Variants in CNTNAP2 observed in about 807,000 individuals in gnomAD.
CNTNAP2 encodes the protein contactin-associated protein-like 2.
Under a neutral mutation model 155.2 loss-of-function variants are expected in CNTNAP2, and 98 were observed. That is an observed-to-expected ratio of 0.63 (90% CI 0.54 to 0.75). The LOEUF (loss-of-function observed/expected upper bound fraction) is 0.75. Among genes scored for constraint, CNTNAP2 ranks in the 30% least tolerant of loss-of-function variants. The pLI, the probability that CNTNAP2 is intolerant of heterozygous loss-of-function variation, is 0.00. For missense variants in CNTNAP2, 1,727 were observed against 1,688.1 expected, an observed-to-expected ratio of 1.02 and a Z score of -0.40; for synonymous variants, 651 against 631.2, an observed-to-expected ratio of 1.03 and a Z score of -0.47.
chr7:146,169,933 C>A (rs533498292), intron 1 of CNTNAP2, among the ~76,000 whole-genome samples: 2 of 151,722 alleles, frequency 1.3e-5, no homozygotes, highest in South Asian at 4.2e-4. Context: ...TGTAGCAATG[C>A]AGGTATCACT....
At chr7:147,182,553 T>C (rs1479256929) in intron 8 of CNTNAP2, among the ~76,000 whole-genome samples, 1 of 152,100 alleles carries the variant, frequency 6.6e-6, no homozygotes, top group Non-Finnish European at 1.5e-5. Context: ...TATTTAAATT[T>C]CCATATTTAC....
At chr7:146,994,256 G>A (rs920907239) in intron 3 of CNTNAP2, among the ~76,000 whole-genome samples, 8 of 152,060 alleles carry the variant, frequency 5.3e-5, no homozygotes, top group Non-Finnish European at 1.0e-4. Context: ...CACAGAGCAA[G>A]TAATCTTACC....
chr7:147,536,901 G>A (rs988691116), intron 11 of CNTNAP2, among the ~76,000 whole-genome samples: 2 of 152,010 alleles, frequency 1.3e-5, no homozygotes, highest in Non-Finnish European at 2.9e-5. Flanking sequence ...CTCTCACCAC[G>A]CCACCTCTTC....
chr7:148,380,101 G>C (rs1799020630), intron 21 of CNTNAP2, among the ~76,000 whole-genome samples: 2 of 152,166 alleles, frequency 1.3e-5, no homozygotes, highest in Admixed American at 1.3e-4. Flanking sequence ...TGCCACTTGA[G>C]AATCTCATTT....
At chr7:146,875,927 TACAC>T (rs1372949301) in intron 3 of CNTNAP2, among the ~76,000 whole-genome samples, 7 of 61,696 alleles carry the variant, frequency 1.1e-4, no homozygotes, top group Middle Eastern at 0.019. Flanking sequence ...CACACACACA[TACAC>T]AGCAAAAAAA....
At chr7:147,887,071 T>A (rs1799614229) in intron 13 of CNTNAP2, among the ~76,000 whole-genome samples, 1 of 152,222 alleles carries the variant, frequency 6.6e-6, no homozygotes, top group Non-Finnish European at 1.5e-5. Context: ...TAATAAAATA[T>A]CACCTTGACC....
At chr7:146,757,381 G>T (rs922144813) in intron 1 of CNTNAP2, among the ~76,000 whole-genome samples, 14 of 152,104 alleles carry the variant, frequency 9.2e-5, no homozygotes, top group Non-Finnish European at 1.3e-4. Context: ...TCAGCATTTA[G>T]GGGTTTGTTT....
chr7:147,091,618 A>ATTT (rs111317397), intron 4 of CNTNAP2, among the ~76,000 whole-genome samples: 2 of 137,830 alleles, frequency 1.5e-5, no homozygotes, highest in Admixed American at 7.2e-5. Context: ...CACCCAGCTA[A>ATTT]TTTTTTTTTT....
At chr7:148,263,653 C>T (rs1302015755) in intron 20 of CNTNAP2, among the ~76,000 whole-genome samples, 3 of 150,808 alleles carry the variant, frequency 2.0e-5, no homozygotes, top group Admixed American at 6.6e-5. Context: ...AGGAGAATGG[C>T]GTGAACCCGG....
chr7:148,126,700 A>T lies in CNTNAP2; in HGVS notation c.2554+8412A>T, dbSNP rs183204375. The stretch of plus-strand genomic sequence containing the variant: ...AGGTGAAATGGACAGGGAATCCATG[A>T]CCCAAACTTTACTGTCCTGGGGTTC... On this transcript the variant is annotated intron_variant, in intron 16 of 23. Transcript: ENST00000361727. Among the ~76,000 whole-genome samples the T allele has an allele frequency of 9.2e-5, 14 of 152,266 alleles. No individual in the cohort carries two copies. In the East Asian group the frequency reaches 2.3e-3, roughly 25 times the overall value.
intron 15 of CNTNAP2, among the ~76,000 whole-genome samples, chr7:148,066,413 C>T (rs1159784994): frequency 1.3e-5 from 2 of 152,182 alleles, no homozygotes; most frequent in Non-Finnish European, 2.9e-5. Context: ...TCCTTGGGAA[C>T]ACCAGTTATT....
At chr7:148,059,713 T>G (rs1338255210) in intron 15 of CNTNAP2, among the ~76,000 whole-genome samples, 1 of 149,406 alleles carries the variant, frequency 6.7e-6, no homozygotes, top group Admixed American at 6.7e-5. Context: ...CAAAAGAAAT[T>G]TCTATATTTT....
intron 12 of CNTNAP2, among the ~76,000 whole-genome samples, chr7:147,624,548 C>T (rs184416095): frequency 6.6e-6 from 1 of 152,114 alleles, no homozygotes; most frequent in East Asian, 1.9e-4. Context: ...CAAATCAAAA[C>T]AACAATGAAA....
intron 12 of CNTNAP2, among the ~76,000 whole-genome samples, chr7:147,606,661 A>C (rs1406686903): frequency 2.0e-5 from 3 of 152,244 alleles, no homozygotes; most frequent in Non-Finnish European, 4.4e-5. Context: ...ACCTTAACAG[A>C]GTAGTGGCTA....
intron 3 of CNTNAP2, among the ~76,000 whole-genome samples, chr7:146,923,978 C>T (rs1323086069): frequency 6.6e-6 from 1 of 152,106 alleles, no homozygotes; most frequent in Non-Finnish European, 1.5e-5. Flanking sequence ...TGCACTCAAA[C>T]ATTTAAGAAC....
intron 1 of CNTNAP2, among the ~76,000 whole-genome samples, chr7:146,478,897 G>A (rs906700691): frequency 2.6e-5 from 4 of 151,914 alleles, no homozygotes; most frequent in African/African-American, 9.7e-5. Flanking sequence ...AATTAAAGAT[G>A]GTGTCTACTG....
At chr7:146,827,712 C>A (rs1803433410) in intron 2 of CNTNAP2, among the ~76,000 whole-genome samples, 1 of 152,010 alleles carries the variant, frequency 6.6e-6, no homozygotes, top group African/African-American at 2.4e-5. Context: ...AGAAAACTGA[C>A]ATAACTTTTC....
intron 1 of CNTNAP2, among the ~76,000 whole-genome samples, chr7:146,360,179 G>A (rs886809294): frequency 1.3e-5 from 2 of 152,076 alleles, no homozygotes; most frequent in African/African-American, 2.4e-5. Context: ...CCTTTCCAGT[G>A]TCTCTCTCCT....
intron 1 of CNTNAP2, among the ~76,000 whole-genome samples, chr7:146,117,668 T>C (rs1209451706): frequency 6.6e-6 from 1 of 152,142 alleles, no homozygotes; most frequent in African/African-American, 2.4e-5. Flanking sequence ...ATATTCAATA[T>C]GTATATCTCT....
Sources: gnomAD v4.1 joint callset for allele counts (sites outside exome capture counted in the v4.1 genomes callset) on GRCh38, gnomAD v4.1.1 for gene constraint, MANE v1.5 for transcripts, NCBI Gene and HGNC (gene_info 2026-07-23, HGNC 2026-07-21) for gene names.